The following DHRSX variants were observed in gnomAD, a reference collection of about 807,000 sequenced individuals.
DHRSX encodes polyprenol dehydrogenase.
DHRSX carries 31 observed loss-of-function variants against 34.0 expected under a neutral mutation model. That is an observed-to-expected ratio of 0.91 (90% CI 0.69 to 1.23). The LOEUF (loss-of-function observed/expected upper bound fraction) is 1.23, where lower values mean the gene tolerates loss of function less well. DHRSX is among the 50% of genes most tolerant of loss of function. DHRSX has a pLI of 0.00. For missense variants in DHRSX, 414 were observed against 428.1 expected (o/e 0.97, Z 0.29); for synonymous variants, 201 against 183.8 (o/e 1.09, Z -0.76).
intron 3 of DHRSX, among the ~76,000 whole-genome samples, chrX:2,293,147 G>C (rs4076686): frequency 0.16 from 24,589 of 151,962 alleles, 2,659 homozygotes; most frequent in Non-Finnish European, 0.23. Flanking sequence ...TAGGTAGAGA[G>C]GTAGACTTAT....
Position 2,403,399 on chromosome X carries a change from A to T in DHRSX, c.286+5346T>A, listed in dbSNP as rs775682646. On this transcript the variant is annotated intron_variant, in intron 3 of 6. Transcript: ENST00000334651. The stretch of plus-strand genomic sequence containing the variant: ...CGATTCTTTTCTTCTTTTCTGTAAG[A>T]TTGGCTTAAAGGCCATCGGTATTTA... 1.5e-3 allele frequency among the ~76,000 whole-genome samples: 224 copies of T among 152,312 alleles called. 1 individual carries two copies. The highest frequency in any genetic ancestry group is 2.4e-3 in the Non-Finnish European group (164 of 68,032).
In DHRSX at chrX:2,221,165, C is replaced by G. The variant is rs1335597376; in HGVS notation, c.869G>C (p.Gly290Ala). The part of the protein sequence containing the change: ...AAVTPELEGV[G>A]GHYLYNEKET... ...TTTCTCGTTGTATAGGTAATGGCCA[C>G]CAACTCCTTCCAGCTCTGGGGTGAC... The change falls in exon 7 of 7, where the codon GGT becomes GCT. Residue 290 changes from glycine (G) to alanine (A), a missense_variant. Physicochemically the swap from Gly to Ala is moderately conservative, Grantham distance 60. Coordinates refer to ENST00000334651, the MANE Select transcript of DHRSX (RefSeq NM_145177.3). 1 of 1,613,864 alleles carries G rather than the reference C, an allele frequency of 6.2e-7. No homozygotes were observed. Among genetic ancestry groups the G allele is most frequent in the Non-Finnish European group, 8.5e-7 (1 of 1,179,846 alleles).
At chrX:2,247,881 G>A (rs1215035244) in intron 5 of DHRSX, among the ~76,000 whole-genome samples, 1 of 151,994 alleles carries the variant, frequency 6.6e-6, no homozygotes, top group Non-Finnish European at 1.5e-5. Flanking sequence ...CACGGAAACT[G>A]GAATCCTTCT....
At chrX:2,464,872 A>G (rs1260484408) in intron 1 of DHRSX, among the ~76,000 whole-genome samples, 1 of 152,070 alleles carries the variant, frequency 6.6e-6, no homozygotes, top group Non-Finnish European at 1.5e-5. Context: ...TTCCCTAAGC[A>G]TGTGGCGCAA....
intron 4 of DHRSX, among the ~76,000 whole-genome samples, chrX:2,282,811 A>AAG (rs1491206822): frequency 1.0e-5 from 1 of 98,236 alleles, no homozygotes; most frequent in African/African-American, 4.5e-5. Flanking sequence ...GAGAAGAGAG[A>AAG]AAGAGAGAGA....
intron 4 of DHRSX, among the ~76,000 whole-genome samples, chrX:2,270,587 C>G (rs2041537420): frequency 6.6e-6 from 1 of 152,154 alleles, no homozygotes; most frequent in South Asian, 2.1e-4. Flanking sequence ...GTCCCTGGCC[C>G]CAGTGGAGGC....
At chrX:2,351,599 G>A (rs1427501333) in intron 3 of DHRSX, among the ~76,000 whole-genome samples, 1 of 152,190 alleles carries the variant, frequency 6.6e-6, no homozygotes, top group Admixed American at 6.5e-5. Flanking sequence ...TATGCACTCT[G>A]GTGTCTGGAT....
At chrX:2,383,813 A>G (rs2043241097) in intron 3 of DHRSX, among the ~76,000 whole-genome samples, 1 of 152,240 alleles carries the variant, frequency 6.6e-6, no homozygotes, top group Admixed American at 6.5e-5. Context: ...ACAGCATGCT[A>G]TAAAAGCTGA....
intron 6 of DHRSX, among the ~76,000 whole-genome samples, chrX:2,228,770 G>C (rs143536075): frequency 1.3e-5 from 2 of 152,060 alleles, no homozygotes; most frequent in Admixed American, 6.6e-5. Flanking sequence ...ATAGCACCCA[G>C]GGCACACAGA....
chrX:2,403,793 T>A (rs535500656), intron 3 of DHRSX, among the ~76,000 whole-genome samples: 1 of 148,162 alleles, frequency 6.7e-6, no homozygotes, highest in Admixed American at 6.7e-5. Context: ...GAGGCGGAGG[T>A]TGCAGTGAGC....
intron 4 of DHRSX, among the ~76,000 whole-genome samples, chrX:2,272,985 C>T (rs961081084): frequency 6.6e-6 from 1 of 152,172 alleles, no homozygotes; most frequent in Non-Finnish European, 1.5e-5. Flanking sequence ...CAAAAAGACA[C>T]CTGCAGGCCA....
intron 5 of DHRSX, among the ~76,000 whole-genome samples, chrX:2,251,567 G>A (rs2016434130): frequency 6.6e-6 from 1 of 152,168 alleles, no homozygotes; most frequent in Non-Finnish European, 1.5e-5. Context: ...GGACACAGCA[G>A]TAGGGCGGAC....
intron 1 of DHRSX, among the ~76,000 whole-genome samples, chrX:2,476,084 C>T (rs771882162): frequency 1.2e-4 from 19 of 152,302 alleles, no homozygotes; most frequent in African/African-American, 4.6e-4. Flanking sequence ...AGACCAGCAC[C>T]TCTTATGGAA....
At chrX:2,337,781 C>G (rs1402744824) in intron 3 of DHRSX, 1 of 152,044 alleles carries the variant, frequency 6.6e-6, no homozygotes, top group African/African-American at 2.4e-5. Flanking sequence ...AACCAATGCA[C>G]ACTTAACAAG....
intron 3 of DHRSX, among the ~76,000 whole-genome samples, chrX:2,304,972 T>C (rs2042082080): frequency 1.3e-5 from 2 of 151,810 alleles, no homozygotes; most frequent in Admixed American, 6.6e-5. Context: ...CCAAGAATGA[T>C]AGACTGGATT....
chrX:2,248,621 A>AAG (rs2016356573), intron 5 of DHRSX, among the ~76,000 whole-genome samples: 1 of 67,892 alleles, frequency 1.5e-5, no homozygotes, highest in Non-Finnish European at 4.6e-5. Context: ...CTCAAAAAAA[A>AAG]AAAAAGAAAA....
rs751789129 is a variant in DHRSX, at chrX:2,263,659, G to A, written c.596+3081C>T. ...CTCCCGAGTAGCTGGGATTACAGGC[G>A]TCCACCACCACGCCTGGCTAATTTT... is the stretch of plus-strand genomic sequence containing the variant. On this transcript the variant is annotated intron_variant, in intron 5 of 6. Coordinates refer to ENST00000334651, the MANE Select transcript of DHRSX (RefSeq NM_145177.3). Among the ~76,000 whole-genome samples the A allele has an allele frequency of 2.2e-3, 330 of 151,826 alleles. 1 individual carries two copies. The highest frequency in any genetic ancestry group is 7.2e-3 in the African/African-American group (298 of 41,408).
chrX:2,330,768 CAG>C (rs1294484597), intron 3 of DHRSX, among the ~76,000 whole-genome samples: 1 of 150,672 alleles, frequency 6.6e-6, no homozygotes, highest in Non-Finnish European at 1.5e-5. Flanking sequence ...GGAAAGAAGA[CAG>C]GGAGAGAGAA....
At position 2,314,959 on chromosome X, in the gene DHRSX, G is replaced by T. The variant is rs1276677350; in HGVS notation, c.287-23356C>A. Among the ~76,000 whole-genome samples, 14 of 152,236 alleles carry T rather than the reference G, an allele frequency of 9.2e-5. No individual in the cohort carries two copies. In the Middle Eastern group the frequency reaches 0.01, roughly 111 times the overall value. On this transcript the variant is annotated intron_variant, in intron 3 of 6. Transcript: ENST00000334651. ...AATCACCTGAGGTCGGGAGTTAAGA[G>T]ACCAGCCTGACCAACATGGAGAAAT...
Sources: allele counts gnomAD v4.1 joint callset (sites outside exome capture counted in the v4.1 genomes callset), GRCh38; gene constraint gnomAD v4.1.1; transcripts MANE v1.5; gene names NCBI Gene and HGNC (gene_info 2026-07-23, HGNC 2026-07-21).